Variants in ADGRL2 observed in about 807,000 individuals in gnomAD.
ADGRL2 encodes calcium-independent alpha-latrotoxin receptor 2.
ADGRL2 carries 44 observed loss-of-function variants against 157.4 expected under a neutral mutation model. The observed-to-expected ratio is 0.28, with a 90% confidence interval of 0.22 to 0.36. The LOEUF is 0.36. Ranked by LOEUF, ADGRL2 falls within the 10% of genes least tolerant of loss-of-function variation. The pLI is 1.00. For synonymous variants in ADGRL2, 585 were observed against 624.7 expected (o/e 0.94, Z 0.95); for missense variants, 1,510 against 1,768.9 (o/e 0.85, Z 2.63).
chr1:81,789,852 T>C (rs1055780145), intron 2 of ADGRL2, among the ~76,000 whole-genome samples: 7 of 152,152 alleles, frequency 4.6e-5, no homozygotes, highest in Admixed American at 1.3e-4. Context: ...AAATTTCTGG[T>C]GATCTGGCAG....
At chr1:81,481,454 C>G (rs2078385090) in intron 2 of ADGRL2, among the ~76,000 whole-genome samples, 1 of 152,178 alleles carries the variant, frequency 6.6e-6, no homozygotes, top group East Asian at 1.9e-4. Flanking sequence ...TGTAAGATTG[C>G]AGGGATGAGA....
intron 2 of ADGRL2, among the ~76,000 whole-genome samples, chr1:81,478,712 G>A (rs1247226679): frequency 6.6e-6 from 1 of 152,082 alleles, no homozygotes; most frequent in Non-Finnish European, 1.5e-5. Context: ...CATTAAGGAA[G>A]TCGCTACACT....
chr1:81,310,651 A>G (rs747098293), intron 1 of ADGRL2, among the ~76,000 whole-genome samples: 13 of 152,140 alleles, frequency 8.5e-5, no homozygotes, highest in Non-Finnish European at 1.5e-4. Flanking sequence ...CCAAGAACCT[A>G]TCTTTAAAGT....
At chr1:81,739,984 A>G (rs1023291493) in intron 1 of ADGRL2, among the ~76,000 whole-genome samples, 2 of 152,324 alleles carry the variant, frequency 1.3e-5, no homozygotes, top group South Asian at 2.1e-4. Context: ...AGTGATACCA[A>G]TCCAGATTGG....
chr1:81,754,544 C>CTTCTTTCTTTCTCTCT (rs2085610266), intron 1 of ADGRL2, among the ~76,000 whole-genome samples: 1 of 128,364 alleles, frequency 7.8e-6, no homozygotes, highest in Non-Finnish European at 1.6e-5. Flanking sequence ...TCTTTCTTTC[C>CTTCTTTCTTTCTCTCT]TTCTTTCTTT....
chr1:81,472,217 TC>T (rs1255193051), intron 2 of ADGRL2, among the ~76,000 whole-genome samples: 1 of 152,228 alleles, frequency 6.6e-6, no homozygotes, highest in African/African-American at 2.4e-5. Context: ...ATGATTTTTT[TC>T]CCCCAGTTCC....
At chr1:81,618,537 TAAG>T (rs2081714775) in intron 3 of ADGRL2, among the ~76,000 whole-genome samples, 3 of 152,322 alleles carry the variant, frequency 2.0e-5, no homozygotes, top group Admixed American at 6.5e-5. Context: ...GGTTGGAGCA[TAAG>T]AACAAAATAG....
chr1:81,931,078 G>A (rs1412764413), intron 3 of ADGRL2, among the ~76,000 whole-genome samples: 1 of 152,210 alleles, frequency 6.6e-6, no homozygotes, highest in Non-Finnish European at 1.5e-5. Context: ...GACCCCGGGA[G>A]GCCAAGGTTG....
intron 2 of ADGRL2, 130 bp downstream of exon 2, chr1:81,837,187 T>A (rs576949905): frequency 1.2e-5 from 6 of 500,036 alleles, no homozygotes; most frequent in African/African-American, 6.0e-5. Flanking sequence ...TTCCTGAATA[T>A]TGAATTGTTT....
chr1:81,696,559 T>C (rs1410380780), upstream of ADGRL2, among the ~76,000 whole-genome samples: 1 of 152,102 alleles, frequency 6.6e-6, no homozygotes, highest in South Asian at 2.1e-4. Flanking sequence ...GAGATCATCC[T>C]GGCTAACACG....
At chr1:81,699,170 T>G (rs2149024177), upstream of ADGRL2, among the ~76,000 whole-genome samples, 1 of 152,340 alleles carries the variant, frequency 6.6e-6, no homozygotes, top group Admixed American at 6.5e-5. Flanking sequence ...TTGCAAACAG[T>G]TGCTTTAGAA....
At chr1:81,647,129 C>T (rs917886885) in intron 3 of ADGRL2, among the ~76,000 whole-genome samples, 10 of 152,124 alleles carry the variant, frequency 6.6e-5, no homozygotes, top group African/African-American at 2.2e-4. Flanking sequence ...AAAATTCAAA[C>T]AAAATCTATC....
In ADGRL2 at chr1:81,934,672, G is replaced by A. The variant is rs550930106; in HGVS notation, c.288-2056G>A. On this transcript the variant is annotated intron_variant, in intron 3 of 23. Coordinates refer to ENST00000686636, the MANE Select transcript of ADGRL2 (RefSeq NM_001366006.2). ...AGAAGGGAAGGTTGATAAACTAAAT[G>A]AAGAGTTTACTCACACTAGAAATTG... 1.1e-4 allele frequency among the ~76,000 whole-genome samples: 17 copies of A among 152,022 alleles called. No homozygotes were observed. In the South Asian group the frequency reaches 3.5e-3, roughly 32 times the overall value.
At chr1:81,871,382 C>T (rs1178311225) in intron 2 of ADGRL2, among the ~76,000 whole-genome samples, 2 of 152,088 alleles carry the variant, frequency 1.3e-5, no homozygotes, top group East Asian at 3.9e-4. Flanking sequence ...GTGAATAGTG[C>T]TGCAATAAAC....
At chr1:81,334,852 A>G (rs1363292998) in intron 1 of ADGRL2, among the ~76,000 whole-genome samples, 1 of 152,238 alleles carries the variant, frequency 6.6e-6, no homozygotes, top group Non-Finnish European at 1.5e-5. Context: ...CTCACAGGAT[A>G]GATATTTGAA....
chr1:81,831,492 A>T (rs1371670690), intron 1 of ADGRL2, among the ~76,000 whole-genome samples: 1 of 152,104 alleles, frequency 6.6e-6, no homozygotes, highest in African/African-American at 2.4e-5. Flanking sequence ...AAGATAGTAA[A>T]ATAAGGTTAT....
rs1239654137 is a variant in ADGRL2 at position 81,732,009 on chromosome 1, T to C, written c.-142-29802T>C. Among the ~76,000 whole-genome samples, 5 of 152,218 alleles carry C rather than the reference T, an allele frequency of 3.3e-5. No individual in the cohort carries two copies. In the East Asian group the frequency reaches 9.6e-4, roughly 29 times the overall value. On this transcript the variant is annotated intron_variant, in intron 1 of 20. Transcript: ENST00000359929. ...TCCACAGAGACTAGAGTATCACTAG[T>C]CCCTGTCCCTTTTTCTTTTCTCTGT...
chr1:81,412,260 C>A (rs538834284), intron 1 of ADGRL2, among the ~76,000 whole-genome samples: 1 of 152,162 alleles, frequency 6.6e-6, no homozygotes, highest in East Asian at 1.9e-4. Flanking sequence ...AACCACCAAG[C>A]TTTATTGCCT....
At chr1:81,658,985 C>T (rs2082594401) in intron 3 of ADGRL2, among the ~76,000 whole-genome samples, 1 of 151,124 alleles carries the variant, frequency 6.6e-6, no homozygotes, top group Non-Finnish European at 1.5e-5. Flanking sequence ...TTCCTGACCT[C>T]AGGTGATCCA....
Sources: gnomAD v4.1 joint callset for allele counts (sites outside exome capture counted in the v4.1 genomes callset) on GRCh38, gnomAD v4.1.1 for gene constraint, MANE v1.5 for transcripts, NCBI Gene and HGNC (gene_info 2026-07-23, HGNC 2026-07-21) for gene names.